SELE: variants seen among roughly 807,000 people sequenced by gnomAD.
The protein encoded by SELE is E-selectin.
SELE carries 52 observed loss-of-function variants against 75.8 expected under a neutral mutation model. The observed-to-expected ratio is 0.69, with a 90% CI of 0.55 to 0.86. The LOEUF (loss-of-function observed/expected upper bound fraction) is 0.86. Ranked by LOEUF, SELE falls within the 40% of genes least tolerant of loss-of-function variation. The pLI, the probability that SELE is intolerant of heterozygous loss-of-function variation, is 0.00. For missense variants in SELE, 754 were observed against 732.7 expected (o/e 1.03, Z -0.34); for synonymous variants, 285 against 258.7 (o/e 1.10, Z -0.98).
Position 169,732,688 on chromosome 1 carries a change from G to T in SELE, c.348C>A (p.Ile116=), listed in dbSNP as rs1296679038. The part of the protein sequence containing the change: ...QKDEDCVEIY[I]KREKDVGMWN... ...ACATGCCCACATCTTTTTCTCTCTT[G>T]ATGTAGATCTCCACGCAGTCCTCAT... is the stretch of plus-strand genomic sequence containing the variant. The change falls in exon 3 of 14, where the codon ATC becomes ATA. Residue 116 remains isoleucine, a synonymous_variant. Coordinates refer to ENST00000333360, the MANE Select transcript of SELE (RefSeq NM_000450.2). 1 of 1,613,512 alleles carries T rather than the reference G, an allele frequency of 6.2e-7. No individual in the cohort carries two copies. The highest frequency in any genetic ancestry group is 8.5e-7 in the Non-Finnish European group (1 of 1,179,896).
intron 11 of SELE, 152 bp downstream of exon 11, chr1:169,726,547 C>A (rs1648778486): frequency 3.1e-6 from 2 of 655,662 alleles, no homozygotes; most frequent in Non-Finnish European, 5.4e-6. Context: ...AGTTGTACTA[C>A]TAACTCTTTT....
chr1:169,726,225 T>A (rs1648758217), intron 11 of SELE, among the ~76,000 whole-genome samples: 1 of 152,196 alleles, frequency 6.6e-6, no homozygotes, highest in East Asian at 1.9e-4. Context: ...AATGTGAGAT[T>A]TCCTATTTTG....
chr1:169,725,893 A>C lies in SELE; in HGVS notation c.1775+14T>G, dbSNP rs746017431. 1.2e-6 allele frequency: 2 copies of C among 1,614,112 alleles called. No individual in the cohort carries two copies. Among genetic ancestry groups the C allele is most frequent in the Admixed American group, 3.3e-5 (2 of 60,026 alleles). ...AATGTTCAATGGCATGCTTTGTATA[A>C]GAATGCAACTTACCTGGCAGGAACA... On this transcript the variant is annotated intron_variant, in intron 12 of 13. Transcript: ENST00000333360.
chr1:169,725,766 T>C lies in SELE; in HGVS notation c.1811A>G (p.Gln604Arg). The C allele has an allele frequency of 3.7e-6, 6 of 1,614,078 alleles. No individual in the cohort carries two copies. The highest frequency in any genetic ancestry group is 5.1e-6 in the Non-Finnish European group (6 of 1,179,966). Residue 604 changes from glutamine to arginine, a missense_variant, in exon 13 of 14, where the codon CAA (glutamine) becomes CGA (arginine). Coordinates refer to ENST00000333360, the MANE Select transcript of SELE (RefSeq NM_000450.2). Reference protein sequence around the residue: ...CQSLESDGSYQKPSYIL With the variant: ...CQSLESDGSYRKPSYIL ...AACTTAAAGGATGTAAGAAGGCTTT[T>C]GGTAGCTTCCATCTGATTCAAGGCT...
chr1:169,730,498 T>C lies in SELE; in HGVS notation c.649A>G (p.Ser217Gly), dbSNP rs141138013. ...SISCDRGYLPSSMETMQCMSS... is the reference protein window; with the variant it reads ...SISCDRGYLPGSMETMQCMSS... Reference sequence around the variant, plus strand: ...ATACACTGCATGGTCTCCATGCTGCTTGGCAGGTAACCCCTATCACAGCTG... The same window carrying C: ...ATACACTGCATGGTCTCCATGCTGCCTGGCAGGTAACCCCTATCACAGCTG... Residue 217 changes from serine (S) to glycine (G), a missense_variant, in exon 5 of 14, where the codon AGC becomes GGC. Ser to Gly is a moderately conservative substitution (Grantham distance 56, BLOSUM62 0). Coordinates refer to ENST00000333360, the MANE Select transcript of SELE (RefSeq NM_000450.2). 2 of 1,614,080 alleles carry C rather than the reference T, an allele frequency of 1.2e-6. No individual in the cohort carries two copies. The highest frequency in any genetic ancestry group is 1.1e-5 in the South Asian group (1 of 91,078).
Position 169,728,528 on chromosome 1 carries a change from G to A in SELE, c.1091-282C>T, listed in dbSNP as rs554131739. Among the ~76,000 whole-genome samples, 14 of 152,306 alleles carry A rather than the reference G, an allele frequency of 9.2e-5. No individual in the cohort carries two copies. The East Asian group carries it at 2.3e-3, about 25-fold the overall frequency. On this transcript the variant is annotated intron_variant, in intron 7 of 13. Coordinates refer to ENST00000333360, the MANE Select transcript of SELE (RefSeq NM_000450.2). ...TCCAAGGAAAGATTTCACGCAGTCT[G>A]AGGACAACATATGGGTCATGGATGT...
intron 4 of SELE, 62 bp from the exon 5 acceptor site, chr1:169,730,679 A>T: frequency 1.0e-6 from 1 of 1,000,628 alleles, no homozygotes; most frequent in East Asian, 2.9e-5. Flanking sequence ...AGAACACTGG[A>T]AACTAGAACT....
Position 169,732,672 on chromosome 1 carries a change from C to T in SELE, c.364G>A (p.Val122Met), listed in dbSNP as rs755734171. ...CACCTCTCATCATTCCACATGCCCA[C>T]ATCTTTTTCTCTCTTGATGTAGATC... Reference protein sequence around the residue: ...VEIYIKREKDVGMWNDERCSK... With the variant: ...VEIYIKREKDMGMWNDERCSK... The change falls in exon 3 of 14, where the codon GTG becomes ATG. Residue 122 changes from valine (V) to methionine (M), a missense_variant. Coordinates refer to ENST00000333360, the MANE Select transcript of SELE (RefSeq NM_000450.2). The T allele has an allele frequency of 2.5e-6, 4 of 1,613,398 alleles. No homozygotes were observed. The highest frequency in any genetic ancestry group is 1.1e-5 in the South Asian group (1 of 90,946).
intron 5 of SELE, among the ~76,000 whole-genome samples, chr1:169,730,040 C>G (rs915566430): frequency 6.6e-6 from 1 of 152,052 alleles, no homozygotes; most frequent in African/African-American, 2.4e-5. Flanking sequence ...TTTTTGGCCT[C>G]TGGTTCAGAA....
At chr1:169,732,381 TACACAC>T (rs145745131) in intron 3 of SELE, among the ~76,000 whole-genome samples, 1 of 149,624 alleles carries the variant, frequency 6.7e-6, no homozygotes, top group Non-Finnish European at 1.5e-5. Context: ...TATATATATA[TACACAC>T]ACACATATAT....
At chr1:169,726,288 C>A (rs1253942947) in intron 11 of SELE, among the ~76,000 whole-genome samples, 1 of 152,154 alleles carries the variant, frequency 6.6e-6, no homozygotes, top group Non-Finnish European at 1.5e-5. Context: ...AACATGTAAG[C>A]CAAACAAACC....
Position 169,723,343 on chromosome 1 carries a change from A to C in SELE, c.*1182T>G, listed in dbSNP as rs913914410. 1 of 152,218 alleles carries C rather than the reference A, an allele frequency of 6.6e-6. No homozygotes were observed. Among genetic ancestry groups the C allele is most frequent in the African/African-American group, 2.4e-5 (1 of 41,458 alleles). The allele number at this position is 152,218 out of a possible 1,614,324, so 9.4% of individuals were successfully genotyped here. On this transcript the variant is annotated 3_prime_UTR_variant, in exon 14 of 14. Transcript: ENST00000333360. ...TGGTGAGTTTCTATTGTGAATTTAA[A>C]ATCTTCCATAATATACAAGAATTAT...
At chr1:169,733,552 C>T (rs1648971623) in intron 2 of SELE, 24 bp downstream of exon 2, 1 of 1,608,168 alleles carries the variant, frequency 6.2e-7, no homozygotes, top group Non-Finnish European at 8.5e-7. Flanking sequence ...AATGAGAAAT[C>T]TTGGTCTAAT....
rs922167533 is a variant in SELE, at chr1:169,723,779, A to G, written c.*746T>C. 4 of 152,246 alleles carry G rather than the reference A, an allele frequency of 2.6e-5. No homozygotes were observed. The East Asian group carries it at 7.7e-4, about 29-fold the overall frequency. 9.4% of individuals were successfully genotyped at this position (152,246 alleles called of 1,614,324 possible). A position where few individuals can be genotyped will look rare whatever the true frequency, so the allele number is the denominator to read the frequency against. On this transcript the variant is annotated 3_prime_UTR_variant, in exon 14 of 14. Transcript: ENST00000333360. ...TAGAATAAGTAACTTTTACCATATC[A>G]TAGTTGACAGCATTTACAAGTTTTT...
At chr1:169,728,582 GA>G (rs1365241295) in intron 7 of SELE, among the ~76,000 whole-genome samples, 1 of 152,180 alleles carries the variant, frequency 6.6e-6, no homozygotes, top group Non-Finnish European at 1.5e-5. Context: ...AGAAAGAAAA[GA>G]AAGCACCCCT....
rs368087221 is a variant in SELE, at chr1:169,731,986, T to A, written c.422-44A>T. On this transcript the variant is annotated intron_variant, in intron 3 of 13. Transcript: ENST00000333360. ...ATGATGAGGAGGACTATTACTGTGC[T>A]TATACTGAGTGCCTTTGATTTTAGA... 5 of 1,236,216 alleles carry A rather than the reference T, an allele frequency of 4.0e-6. No homozygotes were observed. In the African/African-American group the frequency reaches 7.4e-5, roughly 18 times the overall value. The allele number at this position is 1,236,216 out of a possible 1,614,324, so 76.6% of individuals were successfully genotyped here.
intron 11 of SELE, among the ~76,000 whole-genome samples, chr1:169,726,350 T>A (rs3917461): frequency 0.029 from 4,371 of 152,310 alleles, 106 homozygotes; most frequent in Non-Finnish European, 0.046. Flanking sequence ...CTCTCAAATT[T>A]AAGCCTGTAC....
Position 169,729,245 on chromosome 1 carries a change from G to T in SELE, c.1031C>A (p.Pro344Gln), listed in dbSNP as rs779702893. Residue 344 changes from proline (P) to glutamine (Q), a missense_variant, in exon 7 of 14, where the codon CCA becomes CAA. Transcript: ENST00000333360. ...TCEEGFMLQG[P>Q]AQVECTTQGQ... ...TTGAGTGGTGCATTCAACCTGGGCT[G>T]GTCCCTGCAACATGAAGCCTTCCTC... 5.0e-6 allele frequency: 8 copies of T among 1,613,934 alleles called. No homozygotes were observed. The African/African-American group carries it at 6.7e-5, about 13-fold the overall frequency.
At chr1:169,727,070 C>G (rs1648791135) in intron 10 of SELE, among the ~76,000 whole-genome samples, 1 of 152,208 alleles carries the variant, frequency 6.6e-6, no homozygotes. Flanking sequence ...TTAATAAACA[C>G]TGCACTTGCT....
Sources: gnomAD v4.1 joint callset for allele counts (sites outside exome capture counted in the v4.1 genomes callset) on GRCh38, gnomAD v4.1.1 for gene constraint, MANE v1.5 for transcripts, NCBI Gene and HGNC (gene_info 2026-07-23, HGNC 2026-07-21) for gene names.